The following DOCK3 variants were observed in gnomAD, a reference collection of about 807,000 sequenced individuals.
DOCK3 encodes dedicator of cytokinesis 3.
In DOCK3, 60 loss-of-function variants were observed where a neutral mutation model predicts 265.6. The ratio of observed to expected loss-of-function variants is 0.23; its 90% CI spans 0.18 to 0.28. The LOEUF (loss-of-function observed/expected upper bound fraction) is 0.28, where lower values mean the gene tolerates loss of function less well. Among genes scored for constraint, DOCK3 ranks in the 10% least tolerant of loss-of-function variants. The probability of loss-of-function intolerance (pLI) is 1.00; values close to 1 mark genes in which losing one functional copy is unlikely to be tolerated. For missense variants in DOCK3, 1,981 were observed against 2,594.3 expected (o/e 0.76, Z 5.14); for synonymous variants, 881 against 938.0 (o/e 0.94, Z 1.11).
At chr3:51,077,171 A>T (rs2082084676) in intron 7 of DOCK3, among the ~76,000 whole-genome samples, 1 of 152,202 alleles carries the variant, frequency 6.6e-6, no homozygotes, top group African/African-American at 2.4e-5. Flanking sequence ...GATGTTTGGA[A>T]TTAAAATTGA....
chr3:51,295,677 A>G (rs771302126), intron 27 of DOCK3, among the ~76,000 whole-genome samples: 1 of 152,094 alleles, frequency 6.6e-6, no homozygotes, highest in Non-Finnish European at 1.5e-5. Context: ...TTCATAACAA[A>G]AGATTAATTT....
intron 5 of DOCK3, among the ~76,000 whole-genome samples, chr3:50,967,994 C>T (rs1436017105): frequency 1.3e-5 from 2 of 152,164 alleles, no homozygotes; most frequent in African/African-American, 4.8e-5. Flanking sequence ...TTTACGTTCC[C>T]ACTACAGTGT....
chr3:50,944,870 G>A (rs1031367128), intron 5 of DOCK3, among the ~76,000 whole-genome samples: 6 of 152,198 alleles, frequency 3.9e-5, no homozygotes, highest in African/African-American at 1.4e-4. Context: ...TGAGGCAGGA[G>A]AATTGCTTGA....
intron 4 of DOCK3, among the ~76,000 whole-genome samples, chr3:50,916,841 C>T (rs2050153788): frequency 7.3e-6 from 1 of 136,988 alleles, no homozygotes; most frequent in African/African-American, 2.8e-5. Flanking sequence ...AGCGAGACTC[C>T]GTTTCAAAAA....
chr3:50,691,523 C>T (rs1475404996), intron 1 of DOCK3, among the ~76,000 whole-genome samples: 1 of 152,194 alleles, frequency 6.6e-6, no homozygotes, highest in Non-Finnish European at 1.5e-5. Context: ...CTGCAGTGAA[C>T]ACTGGCATGC....
At chr3:51,290,591 G>A (rs540678122) in intron 27 of DOCK3, among the ~76,000 whole-genome samples, 87 of 152,118 alleles carry the variant, frequency 5.7e-4, no homozygotes, top group Middle Eastern at 3.4e-3. Flanking sequence ...TGTAAATGAC[G>A]AGTTAATGGG....
intron 4 of DOCK3, 111 bp from the exon 5 acceptor site, chr3:50,933,870 T>C (rs2051209514): frequency 4.6e-6 from 3 of 646,174 alleles, no homozygotes; most frequent in South Asian, 5.5e-5. Context: ...TACTTCTTTT[T>C]TATTTGCATA....
At chr3:51,268,351 C>G (rs2108847557) in intron 23 of DOCK3, among the ~76,000 whole-genome samples, 1 of 152,200 alleles carries the variant, frequency 6.6e-6, no homozygotes, top group South Asian at 2.1e-4. Context: ...ACTGCCTGGC[C>G]AGCTAATCTG....
chr3:50,856,078 A>G (rs1048334003), intron 3 of DOCK3, among the ~76,000 whole-genome samples: 1 of 152,132 alleles, frequency 6.6e-6, no homozygotes, highest in Admixed American at 6.5e-5. Flanking sequence ...TTTAAAATCT[A>G]GTCTGTCACT....
At chr3:51,131,906 A>G (rs1338569356) in intron 9 of DOCK3, among the ~76,000 whole-genome samples, 1 of 152,202 alleles carries the variant, frequency 6.6e-6, no homozygotes, top group Non-Finnish European at 1.5e-5. Context: ...TTCAAATTAT[A>G]GGCCATCTTC....
chr3:51,331,719 A>T (rs2084531296), intron 33 of DOCK3, among the ~76,000 whole-genome samples: 2 of 152,210 alleles, frequency 1.3e-5, no homozygotes. Context: ...GCTACTTGGG[A>T]GGCTAAGGTG....
At chr3:50,904,659 A>T (rs2107842158) in intron 4 of DOCK3, among the ~76,000 whole-genome samples, 1 of 152,306 alleles carries the variant, frequency 6.6e-6, no homozygotes, top group East Asian at 1.9e-4. Flanking sequence ...AGTTCTTTGT[A>T]GATTCTGGAT....
intron 10 of DOCK3, among the ~76,000 whole-genome samples, chr3:51,158,956 G>A: frequency 6.6e-6 from 1 of 152,168 alleles, no homozygotes; most frequent in East Asian, 1.9e-4. Flanking sequence ...CATGGAATAA[G>A]GCGATATCAT....
chr3:50,764,482 A>G (rs1027038175), intron 1 of DOCK3, among the ~76,000 whole-genome samples: 4 of 152,214 alleles, frequency 2.6e-5, no homozygotes, highest in Non-Finnish European at 5.9e-5. Flanking sequence ...ACACCATTTT[A>G]TATCAGGGAC....
intron 4 of DOCK3, chr3:50,900,752 G>A: frequency 4.5e-6 from 2 of 447,230 alleles, no homozygotes; most frequent in Non-Finnish European, 8.9e-6. Context: ...CAGGTCTGCT[G>A]GAGTTTGCAG....
At chr3:51,337,382 G>C (rs1235286345) in intron 35 of DOCK3, among the ~76,000 whole-genome samples, 1 of 152,198 alleles carries the variant, frequency 6.6e-6, no homozygotes, top group East Asian at 1.9e-4. Flanking sequence ...ACTCCCAGCT[G>C]TACTGCTCTT....
intron 12 of DOCK3, among the ~76,000 whole-genome samples, chr3:51,202,233 G>A (rs2088835572): frequency 1.4e-5 from 2 of 146,010 alleles, no homozygotes; most frequent in African/African-American, 5.1e-5. Context: ...CCAGGAGCTG[G>A]TTTTTTGAAA....
intron 5 of DOCK3, among the ~76,000 whole-genome samples, chr3:50,982,968 A>T (rs2077749447): frequency 6.6e-6 from 1 of 152,226 alleles, no homozygotes; most frequent in East Asian, 1.9e-4. Flanking sequence ...CTCATTCCCC[A>T]ACAGGTTCAA....
intron 5 of DOCK3, among the ~76,000 whole-genome samples, chr3:51,061,154 C>A (rs1046227177): frequency 6.6e-6 from 1 of 152,148 alleles, no homozygotes; most frequent in African/African-American, 2.4e-5. Context: ...GTCAGTGTGG[C>A]GATTCCTCAG....
Sources: gnomAD v4.1 joint callset for allele counts (sites outside exome capture counted in the v4.1 genomes callset) on GRCh38, gnomAD v4.1.1 for gene constraint, MANE v1.5 for transcripts, NCBI Gene and HGNC (gene_info 2026-07-23, HGNC 2026-07-21) for gene names.